Variants in LRFN5 observed in about 807,000 individuals in gnomAD.
LRFN5 encodes leucine rich repeat and fibronectin type III domain containing 5.
Under a neutral mutation model 45.6 loss-of-function variants are expected in LRFN5, and 24 were observed. The ratio of observed to expected loss-of-function variants is 0.53; its 90% CI spans 0.38 to 0.74. The LOEUF is 0.74. LRFN5 is among the 30% of genes least tolerant of loss of function. LRFN5 has a pLI of 0.00. For missense variants in LRFN5, 776 were observed against 861.5 expected (o/e 0.90, Z 1.24); for synonymous variants, 340 against 313.8 (o/e 1.08, Z -0.88).
At chr14:41,619,342 A>G (rs1015439215) in intron 1 of LRFN5, among the ~76,000 whole-genome samples, 3 of 152,108 alleles carry the variant, frequency 2.0e-5, no homozygotes, top group East Asian at 1.9e-4. Flanking sequence ...GGTGCAGGGC[A>G]TAGGTCATGG....
At chr14:41,707,016 G>A (rs1047880910) in intron 1 of LRFN5, among the ~76,000 whole-genome samples, 1 of 152,140 alleles carries the variant, frequency 6.6e-6, no homozygotes, top group Non-Finnish European at 1.5e-5. Context: ...GGAAAAGGAG[G>A]TGCACTTGCT....
intron 2 of LRFN5, among the ~76,000 whole-genome samples, chr14:41,818,903 A>C (rs1888016258): frequency 6.6e-6 from 1 of 151,956 alleles, no homozygotes; most frequent in Admixed American, 6.6e-5. Context: ...AACCTCCTAT[A>C]TTTTTAAGTG....
chr14:41,690,396 A>G (rs1388153574), intron 1 of LRFN5, among the ~76,000 whole-genome samples: 2 of 152,066 alleles, frequency 1.3e-5, no homozygotes, highest in Non-Finnish European at 2.9e-5. Flanking sequence ...TCTACTAAAA[A>G]TACAAAATTA....
chr14:41,894,705 T>C (rs879748233), intron 4 of LRFN5: 17 of 985,138 alleles, frequency 1.7e-5, no homozygotes, highest in Non-Finnish European at 1.9e-5. Context: ...TGAAACATAA[T>C]TGTTGCTTAG....
chr14:41,818,229 A>G (rs1154149), intron 2 of LRFN5, among the ~76,000 whole-genome samples: 114,322 of 151,740 alleles, frequency 0.75, 43,743 homozygotes, highest in African/African-American at 0.89. Flanking sequence ...TTTCCTGGAT[A>G]AATACTTAAC....
At chr14:41,744,563 TC>T (rs1884839849) in intron 1 of LRFN5, among the ~76,000 whole-genome samples, 1 of 151,846 alleles carries the variant, frequency 6.6e-6, no homozygotes, top group African/African-American at 2.4e-5. Flanking sequence ...GATTAACCAC[TC>T]CAATTCAGAG....
chr14:41,704,436 C>CTGTGTGTGTGTGTGTGTGTGTGTGTG (rs1430752309), intron 1 of LRFN5, among the ~76,000 whole-genome samples: 3 of 89,532 alleles, frequency 3.4e-5, no homozygotes, highest in African/African-American at 1.6e-4. Flanking sequence ...CTCTCTCTCT[C>CTGTGTGTGTGTGTGTGTGTGTGTGTG]TCTCTCTCTC....
chr14:41,786,601 T>C (rs1012971050), intron 2 of LRFN5, among the ~76,000 whole-genome samples: 11 of 151,526 alleles, frequency 7.3e-5, no homozygotes, highest in Non-Finnish European at 1.3e-4. Flanking sequence ...TTTTAAGATT[T>C]CTTTGCTTGG....
intron 1 of LRFN5, chr14:41,731,738 A>G (rs1884187854): frequency 6.6e-6 from 1 of 152,144 alleles, no homozygotes; most frequent in Non-Finnish European, 1.5e-5. Flanking sequence ...CATGTAATCC[A>G]TTGTTGATGT....
intron 1 of LRFN5, among the ~76,000 whole-genome samples, chr14:41,686,855 G>T (rs533701141): frequency 6.6e-6 from 1 of 152,168 alleles, no homozygotes; most frequent in Non-Finnish European, 1.5e-5. Context: ...GCTAGATTCA[G>T]TTTGCCAGTA....
chr14:41,878,238 T>C (rs1890252656), intron 2 of LRFN5, among the ~76,000 whole-genome samples: 1 of 152,126 alleles, frequency 6.6e-6, no homozygotes, highest in Non-Finnish European at 1.5e-5. Context: ...AACTCATCAA[T>C]ATCAACAGAC....
At chr14:41,818,191 G>A (rs1887986154) in intron 2 of LRFN5, among the ~76,000 whole-genome samples, 1 of 151,694 alleles carries the variant, frequency 6.6e-6, no homozygotes, top group Non-Finnish European at 1.5e-5. Flanking sequence ...TTCCCTTCCT[G>A]TTTAGCATTC....
intron 2 of LRFN5, among the ~76,000 whole-genome samples, chr14:41,846,208 T>TACACAC (rs1177573546): frequency 1.2e-5 from 1 of 82,386 alleles, no homozygotes; most frequent in Admixed American, 1.3e-4. Flanking sequence ...TGTATATGTT[T>TACACAC]ACACAGACAC....
At chr14:41,637,268 T>C (rs1401936619) in intron 1 of LRFN5, among the ~76,000 whole-genome samples, 1 of 152,168 alleles carries the variant, frequency 6.6e-6, no homozygotes, top group Non-Finnish European at 1.5e-5. Flanking sequence ...AGTTGTTCTC[T>C]TTTCTTGTGC....
At chr14:41,740,088 G>A (rs1033043042) in intron 1 of LRFN5, among the ~76,000 whole-genome samples, 2 of 152,082 alleles carry the variant, frequency 1.3e-5, no homozygotes, top group Non-Finnish European at 2.9e-5. Flanking sequence ...CCCAGGGCAT[G>A]ATAGCCTCAC....
intron 1 of LRFN5, among the ~76,000 whole-genome samples, chr14:41,726,999 G>A (rs765731984): frequency 6.6e-6 from 1 of 152,024 alleles, no homozygotes; most frequent in Non-Finnish European, 1.5e-5. Context: ...GTTGCAAAAC[G>A]AGGTCATAAC....
At chr14:41,862,751 CAG>C (rs1236599734) in intron 2 of LRFN5, among the ~76,000 whole-genome samples, 1 of 151,804 alleles carries the variant, frequency 6.6e-6, no homozygotes, top group Non-Finnish European at 1.5e-5. Context: ...AGTAGTAACA[CAG>C]TGTTATTTTA....
At chr14:41,799,312 C>T (rs1887242801) in intron 2 of LRFN5, among the ~76,000 whole-genome samples, 1 of 151,924 alleles carries the variant, frequency 6.6e-6, no homozygotes, top group South Asian at 2.1e-4. Flanking sequence ...ATCTTTTCCA[C>T]TTTTTGCCTG....
intron 2 of LRFN5, among the ~76,000 whole-genome samples, chr14:41,842,187 C>T (rs979260337): frequency 1.3e-5 from 2 of 151,932 alleles, no homozygotes; most frequent in African/African-American, 4.8e-5. Context: ...GCAGGTTAAA[C>T]CTAAACATCT....
Sources: allele counts gnomAD v4.1 joint callset (sites outside exome capture counted in the v4.1 genomes callset), GRCh38; gene constraint gnomAD v4.1.1; transcripts MANE v1.5; gene names NCBI Gene and HGNC (gene_info 2026-07-23, HGNC 2026-07-21).